TMEM156: variants seen among roughly 807,000 people sequenced by gnomAD.
TMEM156 encodes the protein transmembrane protein 156.
TMEM156 carries 28 observed loss-of-function variants against 30.5 expected under a neutral mutation model. The ratio of observed to expected loss-of-function variants is 0.92; its 90% CI spans 0.68 to 1.26. The LOEUF is 1.26. Among genes scored for constraint, TMEM156 ranks in the 50% most tolerant of loss-of-function variants. TMEM156 has a pLI of 0.00. For synonymous variants in TMEM156, 137 were observed against 119.9 expected (o/e 1.14, Z -0.93); for missense variants, 351 against 340.6 (o/e 1.03, Z -0.24).
intron 5 of TMEM156, among the ~76,000 whole-genome samples, chr4:38,983,784 T>G (rs1212326522): frequency 3.3e-5 from 5 of 152,232 alleles, no homozygotes; most frequent in African/African-American, 1.2e-4. Flanking sequence ...ATAGCCCTTC[T>G]ACAAAGCGTG....
At position 38,989,902 on chromosome 4, in the gene TMEM156, C is replaced by G. The variant is rs541396843; in HGVS notation, c.620-932G>C. ...ACAACCTCCACTTCCCGGGTTCAAG[C>G]GATTCTCCTGCCTCAGCCTCCGAGG... is the stretch of plus-strand genomic sequence containing the variant. On this transcript the variant is annotated intron_variant, in intron 3 of 6. Coordinates refer to ENST00000381938, the MANE Select transcript of TMEM156 (RefSeq NM_024943.3). Among the ~76,000 whole-genome samples, 13 of 152,266 alleles carry G rather than the reference C, an allele frequency of 8.5e-5. 1 individual carries two copies. In the South Asian group the frequency reaches 2.7e-3, roughly 32 times the overall value.
chr4:38,983,445 C>T (rs1013819314), intron 5 of TMEM156, among the ~76,000 whole-genome samples: 42 of 152,204 alleles, frequency 2.8e-4, no homozygotes, highest in African/African-American at 9.6e-4. Flanking sequence ...GTTATCCAGT[C>T]TAGAGTACAG....
intron 5 of TMEM156, among the ~76,000 whole-genome samples, chr4:38,982,030 G>C (rs754927999): frequency 2.6e-5 from 4 of 152,226 alleles, no homozygotes; most frequent in Admixed American, 2.6e-4. Context: ...GTAGCCAAAG[G>C]AGATTAACAT....
At chr4:39,017,199 G>C (rs973993064) in intron 1 of TMEM156, among the ~76,000 whole-genome samples, 4 of 97,880 alleles carry the variant, frequency 4.1e-5, no homozygotes, top group Non-Finnish European at 5.6e-5. Context: ...TTTTGAGACA[G>C]AGTCTCGCTC....
intron 1 of TMEM156, among the ~76,000 whole-genome samples, chr4:39,009,791 G>A (rs1248459228): frequency 6.6e-6 from 1 of 152,088 alleles, no homozygotes; most frequent in African/African-American, 2.4e-5. Context: ...AGCCAACATT[G>A]TACTGACCAG....
At chr4:38,978,539 G>A (rs991319649) in intron 5 of TMEM156, among the ~76,000 whole-genome samples, 4 of 152,142 alleles carry the variant, frequency 2.6e-5, no homozygotes, top group Non-Finnish European at 5.9e-5. Context: ...AACAGGGTAT[G>A]GGTTCAGGCA....
At chr4:38,997,359 C>T (rs935687136) in intron 2 of TMEM156, among the ~76,000 whole-genome samples, 1 of 152,094 alleles carries the variant, frequency 6.6e-6, no homozygotes, top group Non-Finnish European at 1.5e-5. Context: ...CACTAGAAGC[C>T]CAAGCCTCAC....
In TMEM156 at chr4:38,986,414, T is replaced by C. The variant is rs570592983; in HGVS notation, c.745A>G (p.Arg249Gly). The C allele has an allele frequency of 7.9e-5, 127 of 1,608,128 alleles. No individual in the cohort carries two copies. Among genetic ancestry groups the C allele is most frequent in the Non-Finnish European group, 3.4e-6 (4 of 1,174,648 alleles). The stretch of plus-strand genomic sequence containing the variant: ...AAGAGAACAGATGTAGGTTTGTCTC[T>C]ATGACCTATTCCCAGAAAAGAAATG... ...QRRVQKWQSH[R>G]DKPTSVLLRG... is the part of the protein sequence containing the mutation. The change falls in exon 5 of 7, where the codon AGA becomes GGA. Residue 249 changes from arginine (R) to glycine (G), a missense_variant. Transcript: ENST00000381938.
intron 1 of TMEM156, among the ~76,000 whole-genome samples, chr4:39,020,733 A>G (rs990271792): frequency 6.6e-6 from 1 of 152,008 alleles, no homozygotes; most frequent in African/African-American, 2.4e-5. Context: ...TATTTTTAGT[A>G]GAGATGGGGC....
At chr4:39,029,830 G>A (rs1173204300) in intron 1 of TMEM156, among the ~76,000 whole-genome samples, 1 of 151,376 alleles carries the variant, frequency 6.6e-6, no homozygotes, top group Non-Finnish European at 1.5e-5. Flanking sequence ...ATAAAAAGAT[G>A]TTACTGGTGA....
At chr4:38,985,152 G>T (rs35119141) in intron 5 of TMEM156, among the ~76,000 whole-genome samples, 38,408 of 152,096 alleles carry the variant, frequency 0.25, 5,435 homozygotes, top group East Asian at 0.44. Context: ...AGTAAGAGGG[G>T]AGCCCAGGGA....
intron 3 of TMEM156, among the ~76,000 whole-genome samples, chr4:38,991,201 A>C (rs140631309): frequency 1.4e-4 from 15 of 108,736 alleles, no homozygotes; most frequent in African/African-American, 4.5e-4. Context: ...TAAAGTTTTA[A>C]CTGTCTTTTT....
rs186285112 is a variant in TMEM156 at position 39,031,761 on chromosome 4, G to A, written c.88+465C>T. Among the ~76,000 whole-genome samples the A allele has an allele frequency of 5.3e-3, 811 of 151,716 alleles. 7 individuals are homozygous for A. Among genetic ancestry groups the A allele is most frequent in the African/African-American group, 0.019 (767 of 41,344 alleles). ...TAGCCAGGCATGGTGGTGGGCGCCT[G>A]TAATCCCAGCTACTCGGAGGCTGAG... On this transcript the variant is annotated intron_variant, in intron 1 of 6. Transcript: ENST00000381938.
chr4:39,015,643 C>T (rs1283866952), intron 1 of TMEM156, among the ~76,000 whole-genome samples: 1 of 152,164 alleles, frequency 6.6e-6, no homozygotes, highest in Non-Finnish European at 1.5e-5. Context: ...TTTTAAGCCA[C>T]TAAGTTTATG....
intron 1 of TMEM156, among the ~76,000 whole-genome samples, chr4:38,999,167 A>G (rs1713161135): frequency 7.1e-6 from 1 of 141,290 alleles, no homozygotes; most frequent in African/African-American, 2.7e-5. Context: ...CCCAGGCTAG[A>G]GTGCAGTGGT....
chr4:38,988,346 C>T (rs1056373259), intron 4 of TMEM156, among the ~76,000 whole-genome samples: 2 of 152,220 alleles, frequency 1.3e-5, no homozygotes, highest in African/African-American at 4.8e-5. Flanking sequence ...GCCTCAGCCT[C>T]CCAAGTAGCT....
At chr4:38,986,722 C>T (rs544374885) in intron 4 of TMEM156, among the ~76,000 whole-genome samples, 11 of 137,430 alleles carry the variant, frequency 8.0e-5, no homozygotes, top group South Asian at 4.7e-4. Context: ...GCAAAAGAAT[C>T]GCTTGAACCC....
chr4:39,022,237 G>C (rs1161832627), intron 1 of TMEM156, among the ~76,000 whole-genome samples: 2 of 152,144 alleles, frequency 1.3e-5, no homozygotes, highest in African/African-American at 4.8e-5. Flanking sequence ...AACTCTCAAA[G>C]GACTCTTTTT....
Position 38,988,986 on chromosome 4 carries a change from A to T in TMEM156, c.620-16T>A, listed in dbSNP as rs1712223573. The stretch of plus-strand genomic sequence containing the variant: ...CAAGTGATATCTGTAAAGAAAACAA[A>T]TACTGTAAAAACCCAGTAAAATTAT... On this transcript the variant is annotated splice_polypyrimidine_tract_variant and intron_variant, in intron 3 of 6. Transcript: ENST00000381938. The T allele has an allele frequency of 9.3e-6, 15 of 1,605,352 alleles. No homozygotes were observed. Among genetic ancestry groups the T allele is most frequent in the Non-Finnish European group, 1.3e-5 (15 of 1,175,556 alleles).
Sources: gnomAD v4.1 joint callset for allele counts (sites outside exome capture counted in the v4.1 genomes callset) on GRCh38, gnomAD v4.1.1 for gene constraint, MANE v1.5 for transcripts, NCBI Gene and HGNC (gene_info 2026-07-23, HGNC 2026-07-21) for gene names.